Variants in IL18RAP observed in about 807,000 individuals in gnomAD.
The protein encoded by IL18RAP is interleukin-18 receptor accessory protein.
A neutral mutation model predicts 58.1 loss-of-function variants in IL18RAP; 37 were observed. The observed-to-expected ratio is 0.64, with a 90% CI of 0.49 to 0.84. IL18RAP has a LOEUF of 0.84. Among genes scored for constraint, IL18RAP ranks in the 40% least tolerant of loss-of-function variants. The pLI is 0.00. For synonymous variants in IL18RAP, 268 were observed against 257.5 expected (o/e 1.04, Z -0.39); for missense variants, 667 against 704.8 (o/e 0.95, Z 0.61).
Position 102,452,069 on chromosome 2 carries a change from AC to A in IL18RAP, c.1689del (p.Ser564LeufsTer67). The A allele has an allele frequency of 6.2e-7, 1 of 1,613,552 alleles. No homozygotes were observed. Among genetic ancestry groups the A allele is most frequent in the Non-Finnish European group, 8.5e-7 (1 of 1,179,918 alleles). ...ATGCGCTACCACATGCCTGTGAAAA[AC>A]TCTCAGGGATTCACGTGGAACCAGC... ...AKMRYHMPVK[N>X]SQGFTWNQLR... On this transcript the variant is annotated frameshift_variant, in exon 10 of 10. Transcript: ENST00000687160. LOFTEE classifies it low-confidence loss of function (END_TRUNC).
At chr2:102,451,210 CAGA>C (rs1008891278) in intron 9 of IL18RAP, among the ~76,000 whole-genome samples, 189 bp downstream of exon 9, 12 of 152,210 alleles carry the variant, frequency 7.9e-5, no homozygotes, top group African/African-American at 2.7e-4. Flanking sequence ...AATCCATCTG[CAGA>C]AGAAGACAAT....
At position 102,435,803 on chromosome 2, in the gene IL18RAP, T is replaced by C. The variant is rs1286524422; in HGVS notation, c.580-1409T>C. 2.0e-5 allele frequency among the ~76,000 whole-genome samples: 3 copies of C among 152,138 alleles called. No homozygotes were observed. The East Asian group carries it at 5.8e-4, about 29-fold the overall frequency. Reference sequence around the variant, plus strand: ...TAGTAAGAATAACTGTTCTTCTCCCTGCTTCACATATACCTTTAAAAGTCC... The same window carrying C: ...TAGTAAGAATAACTGTTCTTCTCCCCGCTTCACATATACCTTTAAAAGTCC... On this transcript the variant is annotated intron_variant, in intron 3 of 9. Transcript: ENST00000687160.
intron 3 of IL18RAP, among the ~76,000 whole-genome samples, chr2:102,427,236 C>T (rs1359434345): frequency 6.6e-6 from 1 of 152,054 alleles, no homozygotes; most frequent in Non-Finnish European, 1.5e-5. Context: ...AACCCTTTGC[C>T]ATACTGATTT....
intron 4 of IL18RAP, among the ~76,000 whole-genome samples, chr2:102,438,272 C>T (rs1682880111): frequency 6.6e-6 from 1 of 152,160 alleles, no homozygotes; most frequent in Non-Finnish European, 1.5e-5. Flanking sequence ...CATAAGACAG[C>T]CAGTCACTCA....
intron 3 of IL18RAP, chr2:102,434,006 T>C (rs1199489945): frequency 1.3e-5 from 2 of 152,232 alleles, no homozygotes; most frequent in African/African-American, 4.8e-5. Flanking sequence ...AATAAGTTAA[T>C]TTAATGTGTT....
intron 3 of IL18RAP, among the ~76,000 whole-genome samples, chr2:102,426,116 G>A (rs1029343028): frequency 6.6e-6 from 1 of 152,040 alleles, no homozygotes; most frequent in Non-Finnish European, 1.5e-5. Flanking sequence ...CAGACCTTAT[G>A]GCAGTAGTAC....
At position 102,451,882 on chromosome 2, in the gene IL18RAP, G is replaced by A. The variant is rs1683790407; in HGVS notation, c.1501G>A (p.Ala501Thr). 6.2e-7 allele frequency: 1 copy of A among 1,614,062 alleles called. No homozygotes were observed. Among genetic ancestry groups the A allele is most frequent in the African/African-American group, 1.3e-5 (1 of 74,922 alleles). Residue 501 changes from alanine to threonine, a missense_variant, in exon 10 of 10, where the codon GCC (alanine) becomes ACC (threonine). Coordinates refer to ENST00000687160, the MANE Select transcript of IL18RAP (RefSeq NM_001393487.1). ...IFELQAAVNL[A>T]LDDQTLKLIL... ...TGAACTACAAGCAGCAGTGAATCTT[G>A]CCTTGGATGATCAAACACTGAAACT...
chr2:102,443,467 A>C, intron 6 of IL18RAP, 144 bp downstream of exon 6: 6 of 847,358 alleles, frequency 7.1e-6, no homozygotes, highest in East Asian at 2.8e-5. Context: ...GCAAAGTGCA[A>C]ACGGCCGTTG....
chr2:102,445,864 G>A lies in IL18RAP; in HGVS notation c.1072+524G>A, dbSNP rs1020881442. ...GTAGAAATTCTAGGTAAGGAAAAGC[G>A]TTTAAATTTCTTTGAAAAGATGCCC... On this transcript the variant is annotated intron_variant, in intron 7 of 9. Coordinates refer to ENST00000687160, the MANE Select transcript of IL18RAP (RefSeq NM_001393487.1). 9.9e-5 allele frequency among the ~76,000 whole-genome samples: 15 copies of A among 151,808 alleles called. No homozygotes were observed. The South Asian group carries it at 1.4e-3, about 15-fold the overall frequency.
intron 5 of IL18RAP, among the ~76,000 whole-genome samples, 159 bp downstream of exon 5, chr2:102,441,536 A>C (rs1683103948): frequency 6.6e-6 from 1 of 152,224 alleles, no homozygotes; most frequent in African/African-American, 2.4e-5. Flanking sequence ...CAGTTACTTC[A>C]TCCTTTAAGC....
chr2:102,429,068 T>A (rs1038531112), intron 3 of IL18RAP, among the ~76,000 whole-genome samples: 5 of 152,020 alleles, frequency 3.3e-5, no homozygotes, highest in African/African-American at 7.2e-5. Flanking sequence ...CCATGGTGAA[T>A]GATTCTTTTA....
intron 3 of IL18RAP, among the ~76,000 whole-genome samples, chr2:102,429,746 A>C (rs1411245823): frequency 6.6e-6 from 1 of 151,982 alleles, no homozygotes; most frequent in African/African-American, 2.4e-5. Flanking sequence ...GCTGCATCCC[A>C]CATGTTTTAG....
intron 3 of IL18RAP, among the ~76,000 whole-genome samples, chr2:102,433,541 T>G (rs1352436086): frequency 2.0e-5 from 3 of 150,904 alleles, no homozygotes; most frequent in African/African-American, 7.3e-5. Context: ...GTTTGTTTGT[T>G]TTTTGAGATG....
In IL18RAP at chr2:102,445,263, G is replaced by A. The variant is rs375315557; in HGVS notation, c.995G>A (p.Arg332His). 1.5e-5 allele frequency: 25 copies of A among 1,613,972 alleles called. No individual in the cohort carries two copies. The highest frequency in any genetic ancestry group is 1.1e-4 in the African/African-American group (8 of 74,912). ...ILEKVTQRDL[R>H]RKFVCFVQNS... ...GAAAAAGTCACTCAGCGTGATCTTC[G>A]CAGGAAGTTTGTTTGCTTTGTCCAG... Residue 332 changes from arginine (R) to histidine (H), a missense_variant, in exon 7 of 10, where the codon CGC becomes CAC. Physicochemically the swap from Arg to His is conservative, Grantham distance 29. Coordinates refer to ENST00000687160, the MANE Select transcript of IL18RAP (RefSeq NM_001393487.1).
At chr2:102,440,045 G>C (rs1350871751) in intron 4 of IL18RAP, 1 of 152,310 alleles carries the variant, frequency 6.6e-6, no homozygotes, top group Non-Finnish European at 1.5e-5. Context: ...ATCAGTGGAA[G>C]GGTGGTGAGA....
intron 6 of IL18RAP, 33 bp downstream of exon 6, chr2:102,443,356 C>A: frequency 6.2e-7 from 1 of 1,600,822 alleles, no homozygotes. Flanking sequence ...CTGTTCTCTG[C>A]AATTCAGAAG....
intron 3 of IL18RAP, among the ~76,000 whole-genome samples, chr2:102,428,494 C>A (rs2104310285): frequency 6.6e-6 from 1 of 151,224 alleles, no homozygotes; most frequent in Middle Eastern, 3.4e-3. Context: ...TACTTAATTT[C>A]CTTTTCTGCA....
Position 102,452,294 on chromosome 2 carries a change from T to C in IL18RAP, c.*113T>C. 3.8e-6 allele frequency: 4 copies of C among 1,050,782 alleles called. No homozygotes were observed. Among genetic ancestry groups the C allele is most frequent in the Non-Finnish European group, 5.5e-6 (4 of 727,270 alleles). The allele number at this position is 1,050,782 out of a possible 1,614,324, so 65.1% of individuals were successfully genotyped here. A position where few individuals can be genotyped will look rare whatever the true frequency, so the allele number is the denominator to read the frequency against. ...CTGATAGGAAATTCAAAGAGTCTCC[T>C]GCCAGCACCAAGCAAGCTTGATGGA... On this transcript the variant is annotated 3_prime_UTR_variant, in exon 10 of 10. Transcript: ENST00000687160.
intron 3 of IL18RAP, among the ~76,000 whole-genome samples, 173 bp downstream of exon 3, chr2:102,424,587 G>A (rs1444200511): frequency 6.6e-6 from 1 of 152,226 alleles, no homozygotes; most frequent in Non-Finnish European, 1.5e-5. Flanking sequence ...TCCCTGGGAA[G>A]CCACAGAGCT....
Sources: allele counts gnomAD v4.1 joint callset (sites outside exome capture counted in the v4.1 genomes callset), GRCh38; gene constraint gnomAD v4.1.1; transcripts MANE v1.5; gene names NCBI Gene and HGNC (gene_info 2026-07-23, HGNC 2026-07-21).